SHOC2: variants seen among roughly 807,000 people sequenced by gnomAD.
The protein encoded by SHOC2 is leucine-rich repeat protein SHOC-2.
SHOC2 carries 4 observed loss-of-function variants against 50.2 expected under a neutral mutation model. That is an observed-to-expected ratio of 0.08 (90% CI 0.04 to 0.18). The LOEUF (loss-of-function observed/expected upper bound fraction) is 0.18. SHOC2 is among the 10% of genes least tolerant of loss of function. SHOC2 has a pLI of 1.00. For synonymous variants in SHOC2, 218 were observed against 244.5 expected (o/e 0.89, Z 1.01); for missense variants, 388 against 669.6 (o/e 0.58, Z 4.64).
chr10:110,945,265 C>T (rs1847225313), intron 1 of SHOC2, among the ~76,000 whole-genome samples: 1 of 152,140 alleles, frequency 6.6e-6, no homozygotes, highest in African/African-American at 2.4e-5. Flanking sequence ...ATAGGGTCTT[C>T]CTGGAAACAA....
chr10:110,929,793 T>C (rs1846854798), intron 1 of SHOC2, among the ~76,000 whole-genome samples: 1 of 152,148 alleles, frequency 6.6e-6, no homozygotes, highest in African/African-American at 2.4e-5. Flanking sequence ...ACATTGGAGG[T>C]TATAGCTTCA....
chr10:110,990,257 G>C (rs1564724171), intron 3 of SHOC2, among the ~76,000 whole-genome samples: 1 of 152,182 alleles, frequency 6.6e-6, no homozygotes, highest in Non-Finnish European at 1.5e-5. Context: ...GAGTCTTTAT[G>C]TCTAGCTCAG....
At chr10:110,944,082 A>G (rs1847203060) in intron 1 of SHOC2, among the ~76,000 whole-genome samples, 1 of 152,344 alleles carries the variant, frequency 6.6e-6, no homozygotes, top group Admixed American at 6.5e-5. Context: ...TTGTTATTAC[A>G]GAAAAACTGA....
At chr10:111,008,472 A>G (rs1848509519) in intron 6 of SHOC2, among the ~76,000 whole-genome samples, 1 of 151,908 alleles carries the variant, frequency 6.6e-6, no homozygotes, top group Non-Finnish European at 1.5e-5. Flanking sequence ...AACTTGCCCA[A>G]GCTTCAGTTT....
intron 4 of SHOC2, among the ~76,000 whole-genome samples, chr10:111,001,302 G>A (rs1173717259): frequency 6.6e-6 from 1 of 151,722 alleles, no homozygotes; most frequent in Non-Finnish European, 1.5e-5. Flanking sequence ...GGGATAAAAG[G>A]CACTACCACG....
At chr10:110,935,213 C>T (rs767746034) in intron 1 of SHOC2, among the ~76,000 whole-genome samples, 3 of 152,142 alleles carry the variant, frequency 2.0e-5, no homozygotes, top group Non-Finnish European at 2.9e-5. Context: ...TCATCACAAA[C>T]GTGAGAAGTA....
chr10:110,989,020 T>A (rs780277257), intron 3 of SHOC2: 1 of 505,322 alleles, frequency 2.0e-6, no homozygotes, highest in Admixed American at 2.1e-5. Flanking sequence ...AGAAGAATGT[T>A]ATTTTGTTCC....
chr10:110,939,028 T>G (rs1387344538), intron 1 of SHOC2, among the ~76,000 whole-genome samples: 2 of 152,178 alleles, frequency 1.3e-5, no homozygotes, highest in African/African-American at 2.4e-5. Flanking sequence ...ACATCAAAAA[T>G]TGATCTTCTT....
intron 1 of SHOC2, among the ~76,000 whole-genome samples, chr10:110,929,729 G>A (rs1846853264): frequency 6.6e-6 from 1 of 152,140 alleles, no homozygotes; most frequent in Admixed American, 6.6e-5. Context: ...CCCCACCCTT[G>A]TGACCTCATC....
intron 1 of SHOC2, among the ~76,000 whole-genome samples, chr10:110,925,001 G>A (rs916144584): frequency 2.0e-5 from 3 of 149,078 alleles, no homozygotes; most frequent in Non-Finnish European, 4.4e-5. Flanking sequence ...AACCCGGGAG[G>A]TGGAGGTTGC....
intron 1 of SHOC2, among the ~76,000 whole-genome samples, chr10:110,931,838 T>C (rs1846901688): frequency 1.3e-5 from 2 of 152,192 alleles, no homozygotes. Context: ...GTGTTATATG[T>C]GCTAAGTATT....
intron 1 of SHOC2, among the ~76,000 whole-genome samples, chr10:110,951,234 T>C (rs1847345298): frequency 6.6e-6 from 1 of 152,190 alleles, no homozygotes; most frequent in African/African-American, 2.4e-5. Context: ...ATTGATGGTC[T>C]TCAAAAGACA....
At chr10:110,984,466 T>C (rs1291401267) in intron 2 of SHOC2, among the ~76,000 whole-genome samples, 2 of 152,312 alleles carry the variant, frequency 1.3e-5, no homozygotes, top group African/African-American at 4.8e-5. Context: ...CTTTTCACTC[T>C]TCATAGTATC....
At chr10:111,004,581 T>A in intron 4 of SHOC2, 25 bp from the exon 5 acceptor site, 1 of 1,535,120 alleles carries the variant, frequency 6.5e-7, no homozygotes, top group Non-Finnish European at 9.0e-7. Flanking sequence ...TTCTAATTCT[T>A]ATGTTTATTT....
At chr10:110,934,375 A>C (rs1308366605) in intron 1 of SHOC2, among the ~76,000 whole-genome samples, 1 of 152,218 alleles carries the variant, frequency 6.6e-6, no homozygotes, top group Admixed American at 6.5e-5. Context: ...CCATATCACA[A>C]ATCATAGGCA....
At chr10:111,005,828 A>G (rs1262762842) in intron 5 of SHOC2, among the ~76,000 whole-genome samples, 1 of 152,218 alleles carries the variant, frequency 6.6e-6, no homozygotes, top group African/African-American at 2.4e-5. Context: ...TCTTCCTGTC[A>G]TGATGAACCA....
chr10:110,995,575 G>T (rs1856159080), intron 3 of SHOC2, among the ~76,000 whole-genome samples: 1 of 152,204 alleles, frequency 6.6e-6, no homozygotes, highest in African/African-American at 2.4e-5. Flanking sequence ...AGCCAACCAA[G>T]TTGGATTCAC....
chr10:110,945,977 A>G (rs1026227178), intron 1 of SHOC2, among the ~76,000 whole-genome samples: 6 of 152,158 alleles, frequency 3.9e-5, no homozygotes, highest in African/African-American at 1.4e-4. Flanking sequence ...CTTGTGGGTT[A>G]CCATCATATG....
At chr10:110,975,803 T>C (rs1847867608) in intron 2 of SHOC2, among the ~76,000 whole-genome samples, 3 of 152,192 alleles carry the variant, frequency 2.0e-5, no homozygotes. Context: ...AAGTTAATAT[T>C]TTTTTCTTTT....
Sources: gnomAD v4.1 joint callset for allele counts (sites outside exome capture counted in the v4.1 genomes callset) on GRCh38, gnomAD v4.1.1 for gene constraint, MANE v1.5 for transcripts, NCBI Gene and HGNC (gene_info 2026-07-23, HGNC 2026-07-21) for gene names.